Variants in GPR137B observed in about 807,000 individuals in gnomAD.
GPR137B encodes the protein integral membrane protein GPR137B.
Under a neutral mutation model 42.5 loss-of-function variants are expected in GPR137B, and 42 were observed. The observed-to-expected ratio is 0.99, with a 90% confidence interval of 0.77 to 1.28. The LOEUF (loss-of-function observed/expected upper bound fraction) is 1.28, where lower values mean the gene tolerates loss of function less well. Among genes scored for constraint, GPR137B ranks in the 50% most tolerant of loss-of-function variants. The pLI, the probability that GPR137B is intolerant of heterozygous loss-of-function variation, is 0.00. For synonymous variants in GPR137B, 218 were observed against 209.7 expected, an observed-to-expected ratio of 1.04 and a Z score of -0.34; for missense variants, 487 against 493.9, an observed-to-expected ratio of 0.99 and a Z score of 0.13.
intron 2 of GPR137B, among the ~76,000 whole-genome samples, chr1:236,170,248 T>C (rs527980342): frequency 1.3e-5 from 2 of 152,290 alleles, no homozygotes; most frequent in Admixed American, 1.3e-4. Flanking sequence ...AATTATTTTG[T>C]CATTTTTTAA....
chr1:236,203,034 G>A (rs1007344631), intron 5 of GPR137B, among the ~76,000 whole-genome samples: 1 of 151,772 alleles, frequency 6.6e-6, no homozygotes, highest in African/African-American at 2.4e-5. Flanking sequence ...TTGTTTCTGG[G>A]GTCTCTATTC....
intron 1 of GPR137B, among the ~76,000 whole-genome samples, chr1:236,166,450 T>C (rs1313400494): frequency 7.4e-6 from 1 of 135,660 alleles, no homozygotes; most frequent in East Asian, 2.6e-4. Context: ...AGAAAAATAT[T>C]TTAATGTATA....
chr1:236,173,403 A>AGC (rs1260546794), intron 2 of GPR137B, among the ~76,000 whole-genome samples: 1 of 83,462 alleles, frequency 1.2e-5, no homozygotes, highest in African/African-American at 8.1e-5. Flanking sequence ...GTAGGGAAAG[A>AGC]GAGAGAGAGA....
In GPR137B at chr1:236,155,871, G is replaced by C. The variant is rs1402829693; in HGVS notation, c.414+12835G>C. Among the ~76,000 whole-genome samples the C allele has an allele frequency of 6.6e-6, 1 of 152,226 alleles. No individual in the cohort carries two copies. Among genetic ancestry groups the C allele is most frequent in the Admixed American group, 6.5e-5 (1 of 15,290 alleles). ...TCACTTATGAAATGAGGAATGCCTT[G>C]TGAGGACCAAGGTAGGGACATCCTG... On this transcript the variant is annotated intron_variant, in intron 1 of 6. Transcript: ENST00000366592. The surrounding 1 kb of genome is among the most constrained non-coding windows in gnomAD (Gnocchi z 4.6).
intron 5 of GPR137B, among the ~76,000 whole-genome samples, chr1:236,187,955 T>C (rs1663081013): frequency 6.6e-6 from 1 of 152,192 alleles, no homozygotes; most frequent in Non-Finnish European, 1.5e-5. Context: ...ATTCTTCCTA[T>C]CCATGAGCAT....
intron 6 of GPR137B, among the ~76,000 whole-genome samples, chr1:236,207,510 ATGG>A (rs1172058214): frequency 2.6e-5 from 4 of 152,220 alleles, no homozygotes; most frequent in African/African-American, 4.8e-5. Flanking sequence ...CACTACCGAT[ATGG>A]TGAAGACAAG....
At position 236,142,693 on chromosome 1, in the gene GPR137B, C is replaced by T. The variant is rs761078393; in HGVS notation, c.71C>T (p.Ala24Val). ...ATGGAGACCCCGCCGTGGGACCCAG[C>T]CCGCAACGACTCGCTGCCGCCCACG... ...GPMETPPWDP[A>V]RNDSLPPTLT... The change falls in exon 1 of 7, where the codon GCC becomes GTC. Residue 24 changes from alanine to valine, a missense_variant. Ala to Val is a moderately conservative substitution (Grantham distance 64, BLOSUM62 0). Transcript: ENST00000366592. 8.2e-6 allele frequency: 13 copies of T among 1,583,298 alleles called. No individual in the cohort carries two copies. Among genetic ancestry groups the T allele is most frequent in the Admixed American group, 3.5e-5 (2 of 56,594 alleles).
At chr1:236,166,752 A>C (rs1291024749) in intron 1 of GPR137B, among the ~76,000 whole-genome samples, 1 of 152,014 alleles carries the variant, frequency 6.6e-6, no homozygotes, top group African/African-American at 2.4e-5. Flanking sequence ...TGGGAGGCCG[A>C]GGTGGGTGGG....
chr1:236,145,628 A>G (rs1166217111), intron 1 of GPR137B, among the ~76,000 whole-genome samples: 3 of 152,126 alleles, frequency 2.0e-5, no homozygotes, highest in South Asian at 2.1e-4. Context: ...AAGTGCTGGG[A>G]TTACAGGTGT....
chr1:236,200,411 TTC>T (rs1467067189), intron 5 of GPR137B, among the ~76,000 whole-genome samples: 2 of 152,034 alleles, frequency 1.3e-5, no homozygotes, highest in African/African-American at 2.4e-5. Flanking sequence ...TTTGTTAACT[TTC>T]TGTCTTGATG....
intron 5 of GPR137B, among the ~76,000 whole-genome samples, chr1:236,193,790 T>C (rs1480589281): frequency 6.6e-6 from 1 of 152,248 alleles, no homozygotes; most frequent in Non-Finnish European, 1.5e-5. Context: ...GTCAGGTATA[T>C]GATTTGCACA....
At chr1:236,184,040 A>G (rs574466247) in intron 5 of GPR137B, 134 bp downstream of exon 5, 132 of 584,856 alleles carry the variant, frequency 2.3e-4, no homozygotes, top group South Asian at 1.2e-3. Context: ...TTCCTTGACT[A>G]TTTTATTGAG....
At chr1:236,205,104 G>T in intron 5 of GPR137B, 22 bp from the exon 6 acceptor site, 1 of 1,604,600 alleles carries the variant, frequency 6.2e-7, no homozygotes, top group South Asian at 1.1e-5. Context: ...TAAGTATGCT[G>T]AATGATTACC....
intron 5 of GPR137B, among the ~76,000 whole-genome samples, chr1:236,203,892 G>A (rs566509581): frequency 1.1e-4 from 17 of 152,204 alleles, no homozygotes; most frequent in East Asian, 7.7e-4. Flanking sequence ...TCATTAATTT[G>A]ACTTTTTCTA....
At chr1:236,169,761 T>C (rs988893755) in intron 2 of GPR137B, among the ~76,000 whole-genome samples, 1 of 152,020 alleles carries the variant, frequency 6.6e-6, no homozygotes, top group African/African-American at 2.4e-5. Context: ...CAGGTTTGGC[T>C]GGGCACGGTG....
In GPR137B at chr1:236,168,766, C is replaced by G; in HGVS notation, c.464+11C>G. On this transcript the variant is annotated intron_variant, in intron 2 of 6. Transcript: ENST00000366592. ...ATTACTCAAATACCGGTAAGTACTG[C>G]AGGGCATCTCTTTCTGTGGTAGAAG... 6.3e-7 allele frequency: 1 copy of G among 1,574,824 alleles called. No homozygotes were observed. The highest frequency in any genetic ancestry group is 1.1e-5 in the South Asian group (1 of 90,318).
intron 5 of GPR137B, among the ~76,000 whole-genome samples, chr1:236,196,664 C>T (rs1663347691): frequency 6.6e-6 from 1 of 152,138 alleles, no homozygotes; most frequent in Non-Finnish European, 1.5e-5. Flanking sequence ...TATCCCTTTG[C>T]ATCTTCATAG....
chr1:236,149,228 C>T (rs1010859004), intron 1 of GPR137B, among the ~76,000 whole-genome samples: 1 of 145,162 alleles, frequency 6.9e-6, no homozygotes, highest in Non-Finnish European at 1.5e-5. Flanking sequence ...CTTGGCGCAC[C>T]CGTAGGGAGC....
At position 236,183,641 on chromosome 1, in the gene GPR137B, C is replaced by T. The variant is rs150846994; in HGVS notation, c.838-137C>T. ...AATAGAAGTATTAATATAGTATATT[C>T]GGTAGTACATTCTAAAATATAGGGG... On this transcript the variant is annotated intron_variant, in intron 4 of 6. Transcript: ENST00000366592. 598 of 566,694 alleles carry T rather than the reference C, an allele frequency of 1.1e-3. 6 individuals are homozygous for T. The East Asian group carries it at 0.017, about 16-fold the overall frequency. 35.1% of individuals were successfully genotyped at this position (566,694 alleles called of 1,614,324 possible).
Sources: allele counts gnomAD v4.1 joint callset (sites outside exome capture counted in the v4.1 genomes callset), GRCh38; gene constraint gnomAD v4.1.1; non-coding constraint Gnocchi (gnomAD v3.1); transcripts MANE v1.5; gene names NCBI Gene and HGNC (gene_info 2026-07-23, HGNC 2026-07-21).